The following MED13 variants were observed in gnomAD, a reference collection of about 807,000 sequenced individuals.
The protein encoded by MED13 is mediator of RNA polymerase II transcription subunit 13.
Under a neutral mutation model 225.2 loss-of-function variants are expected in MED13, and 23 were observed. The observed-to-expected ratio is 0.10, with a 90% CI of 0.07 to 0.14. MED13 has a LOEUF of 0.14. Among genes scored for constraint, MED13 ranks in the 10% least tolerant of loss-of-function variants. The pLI is 1.00. For missense variants in MED13, 2,197 were observed against 2,594.5 expected, an observed-to-expected ratio of 0.85 and a Z score of 3.33; for synonymous variants, 942 against 889.2, an observed-to-expected ratio of 1.06 and a Z score of -1.06.
At chr17:62,028,679 T>TAA (rs778025381) in intron 8 of MED13, among the ~76,000 whole-genome samples, 3 of 141,654 alleles carry the variant, frequency 2.1e-5, no homozygotes, top group Non-Finnish European at 4.6e-5. Flanking sequence ...GTCTCTACTT[T>TAA]AAAAAAAAAA....
chr17:61,960,424 C>T (rs1482337220), intron 23 of MED13, among the ~76,000 whole-genome samples: 1 of 152,086 alleles, frequency 6.6e-6, no homozygotes, highest in Non-Finnish European at 1.5e-5. Context: ...GCAACCACCA[C>T]CACACCCGGC....
Position 61,946,303 on chromosome 17 carries a change from C to T in MED13, c.*165G>A. ...GTTCAATAGAGTCAATGAAAAATAG[C>T]AGGGTTATAGCCCCTCCCCCCAAGT... On this transcript the variant is annotated 3_prime_UTR_variant, in exon 30 of 30. Transcript: ENST00000397786. The T allele has an allele frequency of 1.4e-6, 1 of 708,942 alleles. No homozygotes were observed. The highest frequency in any genetic ancestry group is 2.8e-5 in the East Asian group (1 of 35,652). 43.9% of individuals were successfully genotyped at this position (708,942 alleles called of 1,614,324 possible). A position where few individuals can be genotyped will look rare whatever the true frequency, so the allele number is the denominator to read the frequency against.
At chr17:61,971,866 G>A (rs1567951578) in intron 17 of MED13, among the ~76,000 whole-genome samples, 2 of 152,016 alleles carry the variant, frequency 1.3e-5, no homozygotes, top group South Asian at 2.1e-4. Context: ...CCCAGGAGGC[G>A]GAGGTTACGG....
Position 61,955,759 on chromosome 17 carries a change from T to C in MED13, c.5703A>G (p.Ile1901Met), listed in dbSNP as rs1413083442. ...RLKDMCRMCGISAADSPSILS... is the reference protein window; with the variant it reads ...RLKDMCRMCGMSAADSPSILS... ...GAATGCTAGGGGAGTCTGCAGCAGATATACCACACATTCTACACATGTCTT... is the reference window on the plus strand; with the variant it reads ...GAATGCTAGGGGAGTCTGCAGCAGACATACCACACATTCTACACATGTCTT... Residue 1901 changes from isoleucine (I) to methionine (M), a missense_variant, in exon 25 of 30, where the codon ATA becomes ATG. Physicochemically the swap from Ile to Met is conservative, Grantham distance 10. Around this residue, in one of 12 missense-constraint regions of MED13, gnomAD observed 216 missense variants for 388.9 expected, o/e 0.56. Transcript: ENST00000397786. 3.1e-6 allele frequency: 5 copies of C among 1,609,350 alleles called. No individual in the cohort carries two copies. The East Asian group carries it at 6.7e-5, about 22-fold the overall frequency.
At chr17:62,025,322 C>A (rs2080690851) in intron 8 of MED13, among the ~76,000 whole-genome samples, 1 of 152,178 alleles carries the variant, frequency 6.6e-6, no homozygotes, top group Non-Finnish European at 1.5e-5. Context: ...ACACAACTTT[C>A]ACATACCATA....
At chr17:61,950,674 G>A (rs948749980) in intron 28 of MED13, 151 bp downstream of exon 28, 14 of 661,260 alleles carry the variant, frequency 2.1e-5, no homozygotes, top group African/African-American at 3.7e-5. Context: ...GTGAGCCACC[G>A]TGCCTTCGTG....
chr17:62,041,227 G>A (rs2080849627), intron 3 of MED13, among the ~76,000 whole-genome samples: 1 of 152,156 alleles, frequency 6.6e-6, no homozygotes, highest in South Asian at 2.1e-4. Flanking sequence ...TCTATCACAT[G>A]CTTCATAAAT....
At position 61,961,596 on chromosome 17, in the gene MED13, T is replaced by G; in HGVS notation, c.5248A>C (p.Ser1750Arg). Residue 1750 changes from serine (S) to arginine (R), a missense_variant, in exon 22 of 30, where the codon AGT becomes CGT. Physicochemically the swap from Ser to Arg is moderately radical, Grantham distance 110 (BLOSUM62 -1). Coordinates refer to ENST00000397786, the MANE Select transcript of MED13 (RefSeq NM_005121.3). ...GAAAAACATATACTTACATCAGGAC[T>G]TCTAAGGGCAGTTTCCATGGCTAAA... ...PGLAMETALR[S>R]PDRPECIRLY... 1.9e-6 allele frequency: 3 copies of G among 1,612,576 alleles called. No homozygotes were observed. In the East Asian group the frequency reaches 6.7e-5, roughly 36 times the overall value.
At chr17:62,055,030 G>T (rs536827301) in intron 2 of MED13, among the ~76,000 whole-genome samples, 1 of 152,030 alleles carries the variant, frequency 6.6e-6, no homozygotes. Flanking sequence ...TGTCTCCTTC[G>T]CAAAAATAGT....
At chr17:62,027,056 G>A (rs903491906) in intron 8 of MED13, among the ~76,000 whole-genome samples, 5 of 152,104 alleles carry the variant, frequency 3.3e-5, no homozygotes, top group African/African-American at 7.2e-5. Flanking sequence ...AACTACCAAT[G>A]ACATTCTTCA....
rs34451831 is a variant in MED13, at chr17:62,003,599, C to CAAAAAAAAAAAAAAAAAA, written c.1967+6933_1967+6950dup. ...CAGCCTGAGCAACAACAGCAAAACTCAAAAAAAAAAAAAAAAAAAAAAGCA... is the reference window on the plus strand; with the variant it reads ...CAGCCTGAGCAACAACAGCAAAACTCAAAAAAAAAAAAAAAAAAAAAAAAAAAAAAAAAAAAAAAAGCA... On this transcript the variant is annotated intron_variant, in intron 9 of 29. Transcript: ENST00000397786. The CAAAAAAAAAAAAAAAAAA allele has an allele frequency of 7.3e-4, 38 of 51,736 alleles. 1 individual carries two copies. Among genetic ancestry groups the CAAAAAAAAAAAAAAAAAA allele is most frequent in the South Asian group, 1.2e-3 (1 of 814 alleles). The allele number at this position is 51,736 out of a possible 1,614,324, so 3.2% of individuals were successfully genotyped here. A position where few individuals can be genotyped will look rare whatever the true frequency, so the allele number is the denominator to read the frequency against.
chr17:61,972,816 A>G lies in MED13; in HGVS notation c.3878T>C (p.Ile1293Thr). The G allele has an allele frequency of 6.2e-7, 1 of 1,613,972 alleles. No individual in the cohort carries two copies. The highest frequency in any genetic ancestry group is 8.5e-7 in the Non-Finnish European group (1 of 1,179,950). The change falls in exon 17 of 30, where the codon ATT becomes ACT. Residue 1293 changes from isoleucine to threonine, a missense_variant. Physicochemically the swap from Ile to Thr is moderately conservative, Grantham distance 89. This residue lies in a region of MED13 where 203 missense variants were observed against 209.7 expected (regional missense o/e 0.97). Coordinates refer to ENST00000397786, the MANE Select transcript of MED13 (RefSeq NM_005121.3). ...LSLQPVLQDA[I>T]QKKRTVRPWG... ...AGGTCTTACTGTTCTTTTTTTCTGA[A>G]TGGCATCCTGAAGAACTGGCTGAAG... is the stretch of plus-strand genomic sequence containing the variant.
chr17:61,963,202 C>CAAAAAAAAAAAAAAAAAAAAAA (rs11290002), intron 20 of MED13, among the ~76,000 whole-genome samples: 1 of 55,786 alleles, frequency 1.8e-5, no homozygotes. Context: ...TTAAATTTAC[C>CAAAAAAAAAAAAAAAAAAAAAA]AAAAAAAAAA....
intron 17 of MED13, among the ~76,000 whole-genome samples, chr17:61,971,948 T>TAAATA (rs770358858): frequency 2.4e-4 from 37 of 151,910 alleles, no homozygotes; most frequent in African/African-American, 5.1e-4. Flanking sequence ...AAAAACCAAA[T>TAAATA]AAATAAAATA....
intron 5 of MED13, 25 bp downstream of exon 5, chr17:62,033,762 T>C: frequency 1.3e-5 from 21 of 1,603,750 alleles, no homozygotes; most frequent in Non-Finnish European, 1.8e-5. Flanking sequence ...ATTTTCCCCT[T>C]AGGAATAATA....
chr17:62,010,438 T>A, intron 9 of MED13, 112 bp downstream of exon 9: 1 of 640,062 alleles, frequency 1.6e-6, no homozygotes, highest in Non-Finnish European at 2.3e-6. Flanking sequence ...TAATACTCAA[T>A]GAATTTATTC....
At chr17:62,054,611 T>C (rs1401592067) in intron 2 of MED13, among the ~76,000 whole-genome samples, 1 of 152,078 alleles carries the variant, frequency 6.6e-6, no homozygotes, top group Non-Finnish European at 1.5e-5. Context: ...TGTGAGTTGA[T>C]GACAAAAAAA....
At chr17:62,046,182 T>C (rs1191932751) in intron 3 of MED13, among the ~76,000 whole-genome samples, 1 of 152,186 alleles carries the variant, frequency 6.6e-6, no homozygotes, top group Non-Finnish European at 1.5e-5. Context: ...ACCTTCCCTA[T>C]ATCATTCCAC....
rs138821624 is a variant in MED13 at position 62,022,859 on chromosome 17, A to C, written c.1283+6682T>G. ...ACCCCGTCTCTACAAAATATTTAAA[A>C]ATTATCCGAGCATTGAGGCACACAC... On this transcript the variant is annotated intron_variant, in intron 8 of 29. Transcript: ENST00000397786. 1.3e-3 allele frequency among the ~76,000 whole-genome samples: 197 copies of C among 152,084 alleles called. 1 individual carries two copies. The highest frequency in any genetic ancestry group is 2.1e-3 in the Non-Finnish European group (146 of 67,986).
Sources: gnomAD v4.1 joint callset for allele counts (sites outside exome capture counted in the v4.1 genomes callset) on GRCh38, gnomAD v4.1.1 for gene constraint, gnomAD v4.1.1 regional missense constraint, MANE v1.5 for transcripts, NCBI Gene and HGNC (gene_info 2026-07-23, HGNC 2026-07-21) for gene names.